MTREX: variants seen among roughly 807,000 people sequenced by gnomAD.
The protein encoded by MTREX is exosome RNA helicase MTR4.
In MTREX, 76 loss-of-function variants were observed where a neutral mutation model predicts 135.4. The ratio of observed to expected loss-of-function variants is 0.56; its 90% CI spans 0.47 to 0.68. The LOEUF (loss-of-function observed/expected upper bound fraction) is 0.68, where lower values mean the gene tolerates loss of function less well. MTREX is among the 30% of genes least tolerant of loss of function. The pLI is 0.00. For missense variants in MTREX, 920 were observed against 1,262.1 expected (o/e 0.73, Z 4.11); for synonymous variants, 404 against 401.6 (o/e 1.01, Z -0.07).
At chr5:55,349,719 G>C in intron 12 of MTREX, 67 bp downstream of exon 12, 1 of 877,318 alleles carries the variant, frequency 1.1e-6, no homozygotes, top group South Asian at 1.4e-5. Flanking sequence ...ACTTTACATT[G>C]CTTGGTTTTA....
chr5:55,342,509 T>TA (rs1173711332), intron 7 of MTREX, among the ~76,000 whole-genome samples: 3 of 151,916 alleles, frequency 2.0e-5, no homozygotes, highest in Admixed American at 2.0e-4. Context: ...AAGAAAAACT[T>TA]ACAAATGCCC....
At chr5:55,379,610 A>ACACACT (rs1554033568) in intron 18 of MTREX, among the ~76,000 whole-genome samples, 1 of 150,912 alleles carries the variant, frequency 6.6e-6, no homozygotes, top group African/African-American at 2.4e-5. Flanking sequence ...ACACACACAC[A>ACACACT]CTCAGAGAGA....
chr5:55,404,809 T>C (rs202025479), intron 21 of MTREX, among the ~76,000 whole-genome samples: 26,657 of 138,108 alleles, frequency 0.19, 2,575 homozygotes, highest in Admixed American at 0.2. Flanking sequence ...TTTTTTTTTT[T>C]CTTTTTTTTT....
At chr5:55,371,759 A>C (rs1042701815) in intron 16 of MTREX, among the ~76,000 whole-genome samples, 12 of 151,934 alleles carry the variant, frequency 7.9e-5, no homozygotes, top group Admixed American at 6.6e-4. Context: ...GTTTTTTTTT[A>C]ACATGAGAAA....
chr5:55,357,645 TCTGAGCTAGGA>T (rs1749942394), intron 14 of MTREX: 1 of 152,400 alleles, frequency 6.6e-6, no homozygotes, highest in African/African-American at 2.4e-5. Flanking sequence ...GCTAACCATG[TCTGAGCTAGGA>T]CTGCCACCAC....
In MTREX at chr5:55,414,203, A is replaced by G. The variant is rs756735220; in HGVS notation, c.2773A>G (p.Thr925Ala). 6 of 1,573,726 alleles carry G rather than the reference A, an allele frequency of 3.8e-6. 1 individual carries two copies. The South Asian group carries it at 7.3e-5, about 19-fold the overall frequency. The change falls in exon 24 of 27, where the codon ACA becomes GCA. Residue 925 changes from threonine (T) to alanine (A), a missense_variant. Thr to Ala is a moderately conservative substitution (Grantham distance 58, BLOSUM62 0). Around this residue, in one of 6 missense-constraint regions of MTREX, gnomAD observed 467 missense variants for 589.7 expected, o/e 0.79. Coordinates refer to ENST00000230640, the MANE Select transcript of MTREX (RefSeq NM_015360.5). ...QENSSEMPKL[T>A]EQLAGPLRQM... ...ATAGTCTAGTGAGATGCCCAAATTAACAGAACAATTAGCAGGACCACTTCG... is the reference window on the plus strand; with the variant it reads ...ATAGTCTAGTGAGATGCCCAAATTAGCAGAACAATTAGCAGGACCACTTCG...
chr5:55,418,033 G>C (rs1212915264), intron 25 of MTREX, among the ~76,000 whole-genome samples: 5 of 151,412 alleles, frequency 3.3e-5, no homozygotes, highest in Non-Finnish European at 7.4e-5. Flanking sequence ...AGGAAATCGA[G>C]ACCATCCTGG....
chr5:55,412,553 A>C (rs968246798), intron 23 of MTREX, among the ~76,000 whole-genome samples: 1 of 152,200 alleles, frequency 6.6e-6, no homozygotes, highest in African/African-American at 2.4e-5. Flanking sequence ...TTTTTGGAGA[A>C]AAGTGAGAAG....
rs777775017 is a variant in MTREX at position 55,416,025 on chromosome 5, A to T, written c.2864A>T (p.Glu955Val). 70 of 1,601,656 alleles carry T rather than the reference A, an allele frequency of 4.4e-5. No homozygotes were observed. In the Admixed American group the frequency reaches 8.6e-4, roughly 20 times the overall value. Residue 955 changes from glutamate to valine, a missense_variant, in exon 25 of 27, where the codon GAG (glutamate) becomes GTG (valine). Transcript: ENST00000230640. ...GCAGAAGCCAAATTGGAAATTGATGAGGAAACTTATCTAAGCTCATTTAAA... is the reference window on the plus strand; with the variant it reads ...GCAGAAGCCAAATTGGAAATTGATGTGGAAACTTATCTAAGCTCATTTAAA... ...VSAEAKLEID[E>V]ETYLSSFKPH...
chr5:55,345,625 T>G (rs1749719330), intron 10 of MTREX, among the ~76,000 whole-genome samples: 1 of 152,126 alleles, frequency 6.6e-6, no homozygotes. Context: ...AACTGGCTTC[T>G]TTCACTTAAT....
intron 18 of MTREX, among the ~76,000 whole-genome samples, chr5:55,385,595 A>G (rs896369953): frequency 6.6e-6 from 1 of 152,180 alleles, no homozygotes; most frequent in South Asian, 2.1e-4. Context: ...TTTTTCAGAT[A>G]TCAAAGACTT....
chr5:55,411,251 A>T (rs1750880856), intron 23 of MTREX, among the ~76,000 whole-genome samples: 1 of 152,232 alleles, frequency 6.6e-6, no homozygotes, highest in African/African-American at 2.4e-5. Context: ...ATTCATTTTT[A>T]AAAGTAAGAT....
chr5:55,372,892 A>ATGTGTGTGTGTGTGTGTG (rs59026723), intron 16 of MTREX, among the ~76,000 whole-genome samples: 1 of 120,914 alleles, frequency 8.3e-6, no homozygotes, highest in Non-Finnish European at 1.7e-5. Flanking sequence ...TAAAACTGTA[A>ATGTGTGTGTGTGTGTGTG]TGTGTGTGTG....
At chr5:55,364,558 G>A (rs943431625) in intron 15 of MTREX, among the ~76,000 whole-genome samples, 7 of 152,288 alleles carry the variant, frequency 4.6e-5, no homozygotes, top group Admixed American at 1.3e-4. Flanking sequence ...ATGTCACAGC[G>A]AAAGCATGTT....
chr5:55,332,216 A>G (rs1293613607), intron 5 of MTREX, among the ~76,000 whole-genome samples: 1 of 152,174 alleles, frequency 6.6e-6, no homozygotes, highest in Non-Finnish European at 1.5e-5. Flanking sequence ...GAACTGGGCC[A>G]TTCTAAAAGT....
In MTREX at chr5:55,345,187, G is replaced by A. The variant is rs1402033923; in HGVS notation, c.1099G>A (p.Gly367Arg). Residue 367 changes from glycine (G) to arginine (R), a missense_variant, in exon 10 of 27, where the codon GGA becomes AGA. Physicochemically the swap from Gly to Arg is moderately radical, Grantham distance 125 (BLOSUM62 -2). Around this residue, in one of 6 missense-constraint regions of MTREX, gnomAD observed 101 missense variants for 119.1 expected, o/e 0.85. Transcript: ENST00000230640. ...AKGDQKGRKG[G>R]TKGPSNVFKI... Reference sequence around the variant, plus strand: ...AGGAGACCAGAAAGGGCGGAAAGGAGGAACAAAAGGTAATTTGGAACTTTG... The same window carrying A: ...AGGAGACCAGAAAGGGCGGAAAGGAAGAACAAAAGGTAATTTGGAACTTTG... The A allele has an allele frequency of 6.2e-7, 1 of 1,604,268 alleles. No individual in the cohort carries two copies. The highest frequency in any genetic ancestry group is 8.5e-7 in the Non-Finnish European group (1 of 1,171,794).
At chr5:55,385,212 G>A (rs969463068) in intron 18 of MTREX, among the ~76,000 whole-genome samples, 1 of 152,166 alleles carries the variant, frequency 6.6e-6, no homozygotes, top group Non-Finnish European at 1.5e-5. Flanking sequence ...CAGGGGCATA[G>A]GTGGAGGGTT....
chr5:55,345,269 CT>C lies in MTREX; in HGVS notation c.1108+75del, dbSNP rs1159152564. ...TTCAGATTACTCTGATATTTTTTGT[CT>C]TAGTTTTTTTTTCTCAAGCTATGTA... On this transcript the variant is annotated intron_variant, in intron 10 of 26. Transcript: ENST00000230640. The C allele has an allele frequency of 1.0e-5, 10 of 1,004,256 alleles. No homozygotes were observed. In the East Asian group the frequency reaches 1.8e-4, roughly 18 times the overall value. The allele number at this position is 1,004,256 out of a possible 1,614,324, so 62.2% of individuals were successfully genotyped here.
At chr5:55,323,357 A>C (rs1205197412) in intron 2 of MTREX, among the ~76,000 whole-genome samples, 2 of 152,160 alleles carry the variant, frequency 1.3e-5, no homozygotes, top group African/African-American at 4.8e-5. Context: ...CAGTTTATCC[A>C]GTTTTGCCTT....
Sources: gnomAD v4.1 joint callset for allele counts (sites outside exome capture counted in the v4.1 genomes callset) on GRCh38, gnomAD v4.1.1 for gene constraint, gnomAD v4.1.1 regional missense constraint, MANE v1.5 for transcripts, NCBI Gene and HGNC (gene_info 2026-07-23, HGNC 2026-07-21) for gene names.